Variants in C6 observed in about 807,000 individuals in gnomAD.
The protein encoded by C6 is complement C6.
Under a neutral mutation model 112.9 loss-of-function variants are expected in C6, and 101 were observed. That is an observed-to-expected ratio of 0.89 (90% CI 0.76 to 1.06). The LOEUF (loss-of-function observed/expected upper bound fraction) is 1.06, where lower values mean the gene tolerates loss of function less well. C6 is among the 50% of genes least tolerant of loss of function. The pLI is 0.00. For synonymous variants in C6, 431 were observed against 384.1 expected, an observed-to-expected ratio of 1.12 and a Z score of -1.43; for missense variants, 1,202 against 1,104.6, an observed-to-expected ratio of 1.09 and a Z score of -1.25.
At chr5:41,160,097 G>A in intron 11 of C6, 45 bp downstream of exon 11, 1 of 1,461,264 alleles carries the variant, frequency 6.8e-7, no homozygotes, top group South Asian at 1.1e-5. Flanking sequence ...AATACTCTTT[G>A]GAGGGGAAAA....
At chr5:41,154,823 T>G (rs1236711305) in intron 14 of C6, 149 bp downstream of exon 14, 8 of 792,520 alleles carry the variant, frequency 1.0e-5, no homozygotes, top group Non-Finnish European at 1.5e-5. Context: ...AATGAGCCCT[T>G]CTATTTATTT....
intron 7 of C6, 61 bp from the exon 8 acceptor site, chr5:41,176,776 A>G: frequency 7.0e-7 from 1 of 1,437,376 alleles, no homozygotes; most frequent in Non-Finnish European, 9.7e-7. Flanking sequence ...AGTACCTAGC[A>G]TTTAAATGTC....
chr5:41,160,287 C>T lies in C6; in HGVS notation c.1539G>A (p.Glu513=). 1.2e-6 allele frequency: 2 copies of T among 1,613,876 alleles called. No homozygotes were observed. The highest frequency in any genetic ancestry group is 1.7e-6 in the Non-Finnish European group (2 of 1,179,854). The change falls in exon 11 of 18, where the codon GAG becomes GAA. Residue 513 remains glutamate (E), a synonymous_variant. Coordinates refer to ENST00000337836, the MANE Select transcript of C6 (RefSeq NM_000065.5). The part of the protein sequence containing the change: ...KRNNLRKALQ[E]YAAKFDPCQC... ...GGCAAGGATCGAACTTGGCTGCATACTCTTGCAAAGCTTTCCTGAGGTTGT... is the reference window on the plus strand; with the variant it reads ...GGCAAGGATCGAACTTGGCTGCATATTCTTGCAAAGCTTTCCTGAGGTTGT...
At chr5:41,205,865 G>C (rs1751396170) in intron 1 of C6, among the ~76,000 whole-genome samples, 1 of 152,226 alleles carries the variant, frequency 6.6e-6, no homozygotes, top group Non-Finnish European at 1.5e-5. Flanking sequence ...GCCTTGAAGA[G>C]AGTAGTGGTC....
intron 5 of C6, 42 bp from the exon 6 acceptor site, chr5:41,186,250 C>G (rs752163131): frequency 1.1e-5 from 18 of 1,607,732 alleles, no homozygotes; most frequent in Non-Finnish European, 1.4e-5. Context: ...AGATGTAGAA[C>G]AATCTTTAAA....
chr5:41,197,709 A>T (rs1199538889), intron 4 of C6, among the ~76,000 whole-genome samples: 2 of 152,106 alleles, frequency 1.3e-5, no homozygotes, highest in Non-Finnish European at 2.9e-5. Flanking sequence ...GGTAGGGATG[A>T]AGGGAAGAGG....
intron 4 of C6, among the ~76,000 whole-genome samples, chr5:41,196,612 C>T (rs987802785): frequency 1.3e-5 from 2 of 151,200 alleles, no homozygotes; most frequent in Admixed American, 6.6e-5. Context: ...GCATATTTTA[C>T]TATATATAAT....
intron 6 of C6, among the ~76,000 whole-genome samples, chr5:41,183,249 A>T (rs888550413): frequency 6.6e-6 from 1 of 152,242 alleles, no homozygotes; most frequent in African/African-American, 2.4e-5. Flanking sequence ...TAATGGTAAA[A>T]TGTAGCCAAA....
At position 41,142,163 on chromosome 5, in the gene C6, G is replaced by A. The variant is rs1745413873; in HGVS notation, c.*662C>T. ...TGTTATGGAATATTTCCTTGCATAA[G>A]ATGATAATTAAGGATGGGACTCACC... On this transcript the variant is annotated 3_prime_UTR_variant, in exon 18 of 18. Transcript: ENST00000337836. 6.6e-6 allele frequency: 1 copy of A among 152,562 alleles called. No homozygotes were observed. The highest frequency in any genetic ancestry group is 2.1e-4 in the South Asian group (1 of 4,848). 9.5% of individuals were successfully genotyped at this position (152,562 alleles called of 1,614,324 possible). A position where few individuals can be genotyped will look rare whatever the true frequency, so the allele number is the denominator to read the frequency against.
rs77580804 is a variant in C6, at chr5:41,249,324, T to A, written c.-21+11870A>T. Among the ~76,000 whole-genome samples the A allele has an allele frequency of 9.3e-3, 1,420 of 152,232 alleles. 28 individuals carry two copies. The highest frequency in any genetic ancestry group is 0.031 in the African/African-American group (1,306 of 41,534). ...TACATTAAAAAAAAGTCAGTTCAAG[T>A]TTTTAAAAACATAACAATAATACCT... is the stretch of plus-strand genomic sequence containing the variant. On this transcript the variant is annotated intron_variant, in intron 1 of 17. Coordinates refer to the C6 transcript ENST00000263413.
intron 1 of C6, among the ~76,000 whole-genome samples, chr5:41,210,469 C>T (rs1751820657): frequency 6.6e-6 from 1 of 152,154 alleles, no homozygotes; most frequent in African/African-American, 2.4e-5. Context: ...ATCTACCCAT[C>T]CGACAAAGGG....
intron 2 of C6, among the ~76,000 whole-genome samples, chr5:41,202,783 C>G (rs761382463): frequency 2.1e-4 from 32 of 152,068 alleles, no homozygotes; most frequent in Non-Finnish European, 4.4e-4. Flanking sequence ...TAACTATAGG[C>G]AAGCAAAGTT....
intron 1 of C6, among the ~76,000 whole-genome samples, chr5:41,236,980 A>T (rs1465672809): frequency 6.6e-6 from 1 of 151,896 alleles, no homozygotes; most frequent in Non-Finnish European, 1.5e-5. Context: ...AATCTAGAAG[A>T]AGTGGATACA....
intron 9 of C6, 152 bp from the exon 10 acceptor site, chr5:41,162,011 A>C: frequency 1.4e-6 from 1 of 694,572 alleles, no homozygotes. Flanking sequence ...GCAAGAGAAC[A>C]CTCCTCCTCC....
At chr5:41,205,491 C>T (rs1751363789) in intron 1 of C6, among the ~76,000 whole-genome samples, 1 of 152,188 alleles carries the variant, frequency 6.6e-6, no homozygotes, top group African/African-American at 2.4e-5. Context: ...CCATTACAGA[C>T]AGTACCTGGA....
At chr5:41,175,507 G>A (rs529729343) in intron 8 of C6, among the ~76,000 whole-genome samples, 1 of 152,322 alleles carries the variant, frequency 6.6e-6, no homozygotes, top group Non-Finnish European at 1.5e-5. Context: ...TGGAATGTGA[G>A]AAGGTTTCCG....
At chr5:41,146,728 T>G (rs1047790213) in intron 17 of C6, among the ~76,000 whole-genome samples, 8 of 152,232 alleles carry the variant, frequency 5.3e-5, no homozygotes, top group African/African-American at 1.7e-4. Flanking sequence ...AGCATTCTGT[T>G]AATTTCACAG....
At chr5:41,169,620 C>T (rs1023948311) in intron 9 of C6, among the ~76,000 whole-genome samples, 1 of 152,032 alleles carries the variant, frequency 6.6e-6, no homozygotes, top group Admixed American at 6.6e-5. Context: ...CAGGGGAGGC[C>T]TCGGGAAACT....
intron 5 of C6, among the ~76,000 whole-genome samples, chr5:41,190,929 T>G (rs1750145273): frequency 6.6e-6 from 1 of 152,186 alleles, no homozygotes; most frequent in Non-Finnish European, 1.5e-5. Flanking sequence ...TGGTTTTATT[T>G]CTGGGTTCTG....
Sources: allele counts gnomAD v4.1 joint callset (sites outside exome capture counted in the v4.1 genomes callset), GRCh38; gene constraint gnomAD v4.1.1; transcripts MANE v1.5; gene names NCBI Gene and HGNC (gene_info 2026-07-23, HGNC 2026-07-21).